NDUFAF2: variants seen among roughly 807,000 people sequenced by gnomAD.
NDUFAF2 encodes NADH:ubiquinone oxidoreductase complex assembly factor 2.
Under a neutral mutation model 22.8 loss-of-function variants are expected in NDUFAF2, and 13 were observed. That is an observed-to-expected ratio of 0.57 (90% CI 0.37 to 0.91). NDUFAF2 has a LOEUF of 0.91. Among genes scored for constraint, NDUFAF2 ranks in the 40% least tolerant of loss-of-function variants. The pLI is 0.01. For synonymous variants in NDUFAF2, 53 were observed against 64.2 expected (o/e 0.83, Z 0.84); for missense variants, 162 against 195.2 (o/e 0.83, Z 1.01).
chr5:61,016,780 T>C (rs1375645054), intron 1 of NDUFAF2, among the ~76,000 whole-genome samples: 4 of 152,222 alleles, frequency 2.6e-5, no homozygotes, highest in Non-Finnish European at 4.4e-5. Flanking sequence ...GGCATCAACA[T>C]GGCTTATAAA....
At chr5:61,121,556 T>C (rs1020012402) in intron 3 of NDUFAF2, among the ~76,000 whole-genome samples, 1 of 152,208 alleles carries the variant, frequency 6.6e-6, no homozygotes, top group Non-Finnish European at 1.5e-5. Context: ...GTGTCAAATG[T>C]ATTTCTTACT....
At chr5:61,051,025 A>G (rs1216855568) in intron 1 of NDUFAF2, among the ~76,000 whole-genome samples, 2 of 152,218 alleles carry the variant, frequency 1.3e-5, no homozygotes, top group Admixed American at 6.5e-5. Context: ...AAAAAATGCT[A>G]TCATATGGAT....
chr5:60,953,007 A>G lies in NDUFAF2; in HGVS notation c.127+7625A>G, dbSNP rs1039642783. 3.9e-5 allele frequency among the ~76,000 whole-genome samples: 6 copies of G among 152,146 alleles called. No homozygotes were observed. The East Asian group carries it at 1.2e-3, about 29-fold the overall frequency. ...ACCCCCAAGTGGCCTAATATATGTA[A>G]TTGGATACCATGAGGGGTAAAGGTC... On this transcript the variant is annotated intron_variant, in intron 1 of 3. Transcript: ENST00000296597.
rs59416563 is a variant in NDUFAF2, at chr5:60,968,120, T to C, written c.127+22738T>C. Among the ~76,000 whole-genome samples the C allele has an allele frequency of 2.0e-5, 3 of 152,068 alleles. No homozygotes were observed. In the East Asian group the frequency reaches 5.8e-4, roughly 29 times the overall value. ...ATTTATTCTAGGTTATACAATTTGT[T>C]GGGAAATAAGTGTTCATAGTAGTCT... On this transcript the variant is annotated intron_variant, in intron 1 of 3. Transcript: ENST00000296597.
chr5:61,003,608 T>A lies in NDUFAF2; in HGVS notation c.127+58226T>A, dbSNP rs62367884. 2.9e-3 allele frequency among the ~76,000 whole-genome samples: 444 copies of A among 150,972 alleles called. 1 individual carries two copies. The highest frequency in any genetic ancestry group is 5.6e-3 in the Non-Finnish European group (377 of 67,808). ...AGATATGTTGAATCCCAGAAAAATA[T>A]CCTGGATGGCTGGGTTTCTTTGAAA... On this transcript the variant is annotated intron_variant, in intron 1 of 3. Transcript: ENST00000296597.
intron 1 of NDUFAF2, among the ~76,000 whole-genome samples, chr5:60,989,208 G>A (rs879288968): frequency 1.8e-4 from 28 of 152,114 alleles, no homozygotes; most frequent in Non-Finnish European, 2.5e-4. Context: ...GAACCACAGC[G>A]TGATATCTTA....
rs139173318 is a variant in NDUFAF2 at position 60,971,075 on chromosome 5, T to C, written c.127+25693T>C. 7.2e-3 allele frequency among the ~76,000 whole-genome samples: 1,091 copies of C among 151,974 alleles called. 8 individuals are homozygous for C. The highest frequency in any genetic ancestry group is 0.026 in the South Asian group (127 of 4,818). ...CTTTATTGTGAACTGTGGCTGAAAA[T>C]TTTGGGTCATGCTTAATGCTCTCTA... On this transcript the variant is annotated intron_variant, in intron 1 of 3. Transcript: ENST00000296597.
chr5:61,064,678 G>C (rs1194372720), intron 1 of NDUFAF2, among the ~76,000 whole-genome samples: 1 of 152,038 alleles, frequency 6.6e-6, no homozygotes, highest in Non-Finnish European at 1.5e-5. Context: ...AAAATGTCTT[G>C]AGACAAATGA....
chr5:60,968,663 A>G (rs565276772), intron 1 of NDUFAF2, among the ~76,000 whole-genome samples: 1 of 152,152 alleles, frequency 6.6e-6, no homozygotes, highest in South Asian at 2.1e-4. Flanking sequence ...ATAATAATCA[A>G]ATCAGGGGTA....
chr5:60,971,745 CAAT>C (rs1750834284), intron 1 of NDUFAF2, among the ~76,000 whole-genome samples: 1 of 151,918 alleles, frequency 6.6e-6, no homozygotes, highest in Non-Finnish European at 1.5e-5. Flanking sequence ...AGTTTGCTGA[CAAT>C]GATGGTTTCC....
chr5:61,146,442 T>C (rs1300870599), intron 3 of NDUFAF2: 1 of 152,192 alleles, frequency 6.6e-6, no homozygotes, highest in Non-Finnish European at 1.5e-5. Flanking sequence ...AGTATGTCCT[T>C]TAATTTTTCT....
At position 60,945,208 on chromosome 5, in the gene NDUFAF2, C is replaced by A; in HGVS notation, c.-48C>A. On this transcript the variant is annotated 5_prime_UTR_variant, in exon 1 of 4. Transcript: ENST00000296597. Reference sequence around the variant, plus strand: ...CTGGGTCGGCGGCTGGAGCATTACCCCTACTGCGGGTCCCGCTGCTGGCAG... The same window carrying A: ...CTGGGTCGGCGGCTGGAGCATTACCACTACTGCGGGTCCCGCTGCTGGCAG... 1 of 1,604,640 alleles carries A rather than the reference C, an allele frequency of 6.2e-7. No individual in the cohort carries two copies. Among genetic ancestry groups the A allele is most frequent in the Non-Finnish European group, 8.5e-7 (1 of 1,176,552 alleles).
intron 1 of NDUFAF2, among the ~76,000 whole-genome samples, chr5:60,968,342 G>A (rs1271687637): frequency 6.6e-6 from 1 of 151,410 alleles, no homozygotes; most frequent in Admixed American, 6.6e-5. Flanking sequence ...CTTTTTATCT[G>A]CTCTGATATT....
At chr5:61,007,685 C>G (rs557907096) in intron 1 of NDUFAF2, among the ~76,000 whole-genome samples, 2 of 152,254 alleles carry the variant, frequency 1.3e-5, no homozygotes, top group South Asian at 4.1e-4. Context: ...GAAATAGGAA[C>G]ACTTTTACAC....
chr5:61,108,541 G>A (rs544071972), intron 3 of NDUFAF2, among the ~76,000 whole-genome samples: 20 of 151,434 alleles, frequency 1.3e-4, no homozygotes, highest in Middle Eastern at 6.8e-3. Context: ...TCTTTGCTCA[G>A]TCCAGTGTCC....
chr5:60,955,883 A>G (rs1326099558), intron 1 of NDUFAF2, among the ~76,000 whole-genome samples: 1 of 149,850 alleles, frequency 6.7e-6, no homozygotes, highest in African/African-American at 2.4e-5. Context: ...TGTTGATAGT[A>G]CCTAGACATG....
intron 3 of NDUFAF2, among the ~76,000 whole-genome samples, chr5:61,112,123 G>A (rs1207167643): frequency 6.6e-6 from 1 of 151,880 alleles, no homozygotes; most frequent in Non-Finnish European, 1.5e-5. Flanking sequence ...ATATGTGAGT[G>A]CTCCAGAGTT....
intron 2 of NDUFAF2, among the ~76,000 whole-genome samples, chr5:61,077,938 A>G (rs1190066860): frequency 6.6e-6 from 1 of 152,188 alleles, no homozygotes; most frequent in East Asian, 1.9e-4. Context: ...CCCAGATTTG[A>G]ACCCAAATTA....
At chr5:61,134,517 C>G (rs1231702122) in intron 3 of NDUFAF2, among the ~76,000 whole-genome samples, 1 of 151,906 alleles carries the variant, frequency 6.6e-6, no homozygotes, top group Non-Finnish European at 1.5e-5. Context: ...AACCCCATCT[C>G]TACTAAAAAT....
Sources: allele counts gnomAD v4.1 joint callset (sites outside exome capture counted in the v4.1 genomes callset), GRCh38; gene constraint gnomAD v4.1.1; transcripts MANE v1.5; gene names NCBI Gene and HGNC (gene_info 2026-07-23, HGNC 2026-07-21).